The following FYN variants were observed in gnomAD, a reference collection of about 807,000 sequenced individuals.
FYN encodes FYN proto-oncogene, Src family tyrosine kinase, also known as tyrosine-protein kinase Fyn.
In FYN, 10 loss-of-function variants were observed where a neutral mutation model predicts 70.2. The observed-to-expected ratio is 0.14, with a 90% CI of 0.09 to 0.24. The LOEUF is 0.24. Ranked by LOEUF, FYN falls within the 10% of genes least tolerant of loss-of-function variation. The pLI is 1.00. For missense variants in FYN, 319 were observed against 673.1 expected (o/e 0.47, Z 5.82); for synonymous variants, 236 against 248.6 (o/e 0.95, Z 0.48).
At chr6:111,765,006 G>A (rs1024918171) in intron 3 of FYN, among the ~76,000 whole-genome samples, 4 of 151,752 alleles carry the variant, frequency 2.6e-5, no homozygotes, top group Non-Finnish European at 5.9e-5. Context: ...GCGTCTTTGT[G>A]GGCTGGGATC....
intron 12 of FYN, among the ~76,000 whole-genome samples, chr6:111,688,646 C>CGT (rs1323884267): frequency 6.6e-6 from 1 of 151,732 alleles, no homozygotes; most frequent in African/African-American, 2.4e-5. Context: ...GCTCATGCAG[C>CGT]GTGTGTGTGC....
At chr6:111,739,900 G>A (rs766552898) in intron 3 of FYN, among the ~76,000 whole-genome samples, 1 of 152,034 alleles carries the variant, frequency 6.6e-6, no homozygotes, top group South Asian at 2.1e-4. Context: ...CTTAGCTCAC[G>A]GCAACCTCTG....
At chr6:111,730,502 A>G (rs571812286) in intron 3 of FYN, among the ~76,000 whole-genome samples, 32 of 152,332 alleles carry the variant, frequency 2.1e-4, no homozygotes, top group African/African-American at 7.7e-4. Context: ...AAGACCACGC[A>G]TGGGCTTGGC....
intron 3 of FYN, among the ~76,000 whole-genome samples, chr6:111,725,440 C>G (rs1328222639): frequency 6.6e-6 from 1 of 152,194 alleles, no homozygotes; most frequent in East Asian, 1.9e-4. Context: ...TGAGAGAGTG[C>G]AGGCAGTGCT....
intron 13 of FYN, among the ~76,000 whole-genome samples, chr6:111,664,047 G>A (rs1797888416): frequency 6.6e-6 from 1 of 152,168 alleles, no homozygotes; most frequent in African/African-American, 2.4e-5. Flanking sequence ...AACCTGAACT[G>A]ATTACGAGGC....
chr6:111,751,555 A>T (rs892065229), intron 3 of FYN, among the ~76,000 whole-genome samples: 1 of 152,214 alleles, frequency 6.6e-6, no homozygotes, highest in Non-Finnish European at 1.5e-5. Context: ...CAGTGTTTTC[A>T]AGGTATTCAG....
chr6:111,754,579 G>T (rs536554930), intron 3 of FYN: 1 of 152,262 alleles, frequency 6.6e-6, no homozygotes, highest in South Asian at 2.1e-4. Context: ...TCCTTGAGCA[G>T]TATGCTGTTT....
At chr6:111,733,804 C>G (rs968540045) in intron 3 of FYN, among the ~76,000 whole-genome samples, 1 of 152,114 alleles carries the variant, frequency 6.6e-6, no homozygotes, top group Non-Finnish European at 1.5e-5. Flanking sequence ...AGTGGGCTTC[C>G]AAGCCAGGCA....
At chr6:111,853,886 A>G (rs573893242) in intron 1 of FYN, among the ~76,000 whole-genome samples, 1 of 152,296 alleles carries the variant, frequency 6.6e-6, no homozygotes, top group South Asian at 2.1e-4. Context: ...ATAGATTTTT[A>G]AAAGCTCATT....
chr6:111,665,595 C>T (rs1287315204), intron 13 of FYN, among the ~76,000 whole-genome samples: 1 of 151,520 alleles, frequency 6.6e-6, no homozygotes, highest in Non-Finnish European at 1.5e-5. Flanking sequence ...CATGGGTACA[C>T]TAGAGAGAGG....
intron 12 of FYN, among the ~76,000 whole-genome samples, chr6:111,691,515 T>G (rs1398282488): frequency 6.6e-6 from 1 of 152,154 alleles, no homozygotes; most frequent in Non-Finnish European, 1.5e-5. Flanking sequence ...CTGGAGGAGC[T>G]GATTAATTCC....
chr6:111,782,543 AGAGT>A (rs774018518), intron 2 of FYN, among the ~76,000 whole-genome samples: 1 of 152,146 alleles, frequency 6.6e-6, no homozygotes, highest in Non-Finnish European at 1.5e-5. Flanking sequence ...TTCTCTTTTG[AGAGT>A]GAGTGATTAG....
intron 2 of FYN, among the ~76,000 whole-genome samples, chr6:111,834,716 C>T (rs1013626054): frequency 2.0e-5 from 3 of 152,184 alleles, no homozygotes; most frequent in South Asian, 2.1e-4. Flanking sequence ...GAGCTGCAGG[C>T]GGCAGTGCTG....
At chr6:111,667,961 C>A (rs1200487703) in intron 13 of FYN, among the ~76,000 whole-genome samples, 1 of 152,236 alleles carries the variant, frequency 6.6e-6, no homozygotes, top group African/African-American at 2.4e-5. Context: ...TTATCAGATA[C>A]CCAAATTCCT....
chr6:111,727,513 C>A (rs564123192), intron 3 of FYN, among the ~76,000 whole-genome samples: 1 of 152,156 alleles, frequency 6.6e-6, no homozygotes, highest in South Asian at 2.1e-4. Flanking sequence ...GAGAGCCCCT[C>A]GCCAAATGCA....
intron 6 of FYN, 131 bp downstream of exon 6, chr6:111,707,791 G>A: frequency 1.5e-6 from 1 of 675,024 alleles, no homozygotes; most frequent in Middle Eastern, 3.6e-4. Flanking sequence ...AACCGGGGCA[G>A]AAAGCCTGAA....
chr6:111,698,433 A>G (rs1799675603), intron 9 of FYN, among the ~76,000 whole-genome samples: 1 of 152,108 alleles, frequency 6.6e-6, no homozygotes, highest in South Asian at 2.1e-4. Flanking sequence ...GTGCCCGGCC[A>G]CCTGTATTAA....
At chr6:111,859,490 A>C (rs988559155) in intron 1 of FYN, among the ~76,000 whole-genome samples, 1 of 152,198 alleles carries the variant, frequency 6.6e-6, no homozygotes, top group African/African-American at 2.4e-5. Flanking sequence ...CCCTTCTTCA[A>C]ATCTCTCAAC....
intron 4 of FYN, among the ~76,000 whole-genome samples, chr6:111,716,457 G>A (rs982429733): frequency 9.9e-5 from 15 of 152,108 alleles, no homozygotes; most frequent in Non-Finnish European, 2.1e-4. Context: ...CTTTGTGAAA[G>A]CCCAGGCTGA....
Sources: allele counts gnomAD v4.1 joint callset (sites outside exome capture counted in the v4.1 genomes callset), GRCh38; gene constraint gnomAD v4.1.1; transcripts MANE v1.5; gene names NCBI Gene and HGNC (gene_info 2026-07-23, HGNC 2026-07-21).